Variants in MRAP2 observed in about 807,000 individuals in gnomAD.
MRAP2 encodes the protein melanocortin-2 receptor accessory protein 2.
MRAP2 carries 20 observed loss-of-function variants against 17.4 expected under a neutral mutation model. The observed-to-expected ratio is 1.15, with a 90% CI of 0.81 to 1.67. The LOEUF (loss-of-function observed/expected upper bound fraction) is 1.67. MRAP2 is among the 40% of genes most tolerant of loss of function. The probability of loss-of-function intolerance (pLI) is 0.00; values close to 1 mark genes in which losing one functional copy is unlikely to be tolerated. For missense variants in MRAP2, 238 were observed against 240.0 expected (o/e 0.99, Z 0.05); for synonymous variants, 96 against 88.4 (o/e 1.09, Z -0.48).
At chr6:84,120,824 ATTAT>A in the MRAP2 span, among the ~76,000 whole-genome samples, 9 of 152,128 alleles carry the variant, frequency 5.9e-5, no homozygotes, top group Non-Finnish European at 1.3e-4. Flanking sequence ...AATAAAATAA[ATTAT>A]TTATAACTTA....
At chr6:84,099,258 T>C in the MRAP2 span, among the ~76,000 whole-genome samples, 1 of 151,838 alleles carries the variant, frequency 6.6e-6, no homozygotes, top group African/African-American at 2.4e-5. Context: ...TCCAGTGTAT[T>C]GCCTCTGCAA....
chr6:84,085,576 T>C (rs965659102), intron 3 of MRAP2, among the ~76,000 whole-genome samples: 5 of 152,130 alleles, frequency 3.3e-5, no homozygotes, highest in Admixed American at 2.0e-4. Context: ...TCTTGAAAGA[T>C]TTTCAGAAAC....
the MRAP2 span, among the ~76,000 whole-genome samples, chr6:84,140,913 C>T: frequency 6.6e-6 from 1 of 152,258 alleles, no homozygotes; most frequent in South Asian, 2.1e-4. Flanking sequence ...TTGTGGAAGA[C>T]AATTCTTCCA....
rs147612659 is a variant in MRAP2, at chr6:84,087,406, G to T, written c.228-1685G>T. On this transcript the variant is annotated intron_variant, in intron 3 of 3. Transcript: ENST00000257776. ...TGACTTTGAATAGAATAGGAGGCAG[G>T]TTTGCCCTAAGCAGCTCCCAGCTTG... 6.0e-3 allele frequency among the ~76,000 whole-genome samples: 908 copies of T among 152,290 alleles called. 5 individuals are homozygous for T. The highest frequency in any genetic ancestry group is 0.021 in the African/African-American group (870 of 41,562).
chr6:84,135,869 C>A, the MRAP2 span, among the ~76,000 whole-genome samples: 4 of 152,118 alleles, frequency 2.6e-5, no homozygotes, highest in South Asian at 4.1e-4. Flanking sequence ...CTCAAAAAAA[C>A]AACAAAAAAA....
the MRAP2 span, among the ~76,000 whole-genome samples, chr6:84,133,840 C>T: frequency 0.038 from 5,822 of 152,168 alleles, 198 homozygotes; most frequent in African/African-American, 0.095. Flanking sequence ...TGCCCTGCTT[C>T]GGCTCACACT....
intron 3 of MRAP2, among the ~76,000 whole-genome samples, chr6:84,084,782 A>T (rs1198023964): frequency 6.6e-6 from 1 of 152,054 alleles, no homozygotes; most frequent in African/African-American, 2.4e-5. Context: ...GTTTGTGTGC[A>T]CCAGGAAAAG....
the MRAP2 span, among the ~76,000 whole-genome samples, chr6:84,111,798 G>T: frequency 1.3e-5 from 2 of 152,168 alleles, no homozygotes; most frequent in Admixed American, 6.5e-5. Flanking sequence ...ACTTTATTGA[G>T]AGTTTTTAGC....
At chr6:84,088,372 C>T (rs1291113012) in intron 3 of MRAP2, among the ~76,000 whole-genome samples, 1 of 152,170 alleles carries the variant, frequency 6.6e-6, no homozygotes, top group African/African-American at 2.4e-5. Flanking sequence ...ATTTATTACC[C>T]TTGAACTGCT....
At chr6:84,063,292 T>C in intron 3 of MRAP2, 3 of 985,116 alleles carry the variant, frequency 3.0e-6, no homozygotes, top group Non-Finnish European at 2.4e-6. Context: ...AATTACAATG[T>C]ATTTTATTCA....
intron 1 of MRAP2, among the ~76,000 whole-genome samples, chr6:84,043,792 C>T (rs1346664608): frequency 6.6e-6 from 1 of 152,126 alleles, no homozygotes; most frequent in East Asian, 1.9e-4. Flanking sequence ...TTGACCTCTA[C>T]TAAATCTTTC....
intron 3 of MRAP2, among the ~76,000 whole-genome samples, chr6:84,066,189 C>G (rs559947409): frequency 6.6e-6 from 1 of 152,138 alleles, no homozygotes; most frequent in Admixed American, 6.5e-5. Context: ...GATGATTATT[C>G]TGAACAATGC....
intron 1 of MRAP2, among the ~76,000 whole-genome samples, chr6:84,037,618 C>T (rs767509917): frequency 1.3e-5 from 2 of 152,216 alleles, no homozygotes; most frequent in Non-Finnish European, 2.9e-5. Context: ...AGGTCCTGAG[C>T]TCTGCCCCAC....
At chr6:84,063,240 TAA>T in intron 3 of MRAP2, 2 of 985,402 alleles carry the variant, frequency 2.0e-6, no homozygotes, top group Non-Finnish European at 2.4e-6. Context: ...CCTACAGTCT[TAA>T]TGATGATGTG....
Position 84,089,400 on chromosome 6 carries a change from G to A in MRAP2, c.537G>A (p.Glu179=), listed in dbSNP as rs1450783194. ...FVNTDQNYFG[E]DDLLISEPPI... Reference sequence around the variant, plus strand: ...ACACAGACCAGAACTACTTTGGGGAGGATGATCTTCTGATTTCTGAACCAC... The same window carrying A: ...ACACAGACCAGAACTACTTTGGGGAAGATGATCTTCTGATTTCTGAACCAC... Residue 179 remains glutamate (E), a synonymous_variant, in exon 4 of 4, where the codon GAG becomes GAA. Coordinates refer to ENST00000257776, the MANE Select transcript of MRAP2 (RefSeq NM_138409.4). 1.2e-6 allele frequency: 2 copies of A among 1,614,158 alleles called. No individual in the cohort carries two copies. Among genetic ancestry groups the A allele is most frequent in the East Asian group, 2.2e-5 (1 of 44,880 alleles).
the MRAP2 span, among the ~76,000 whole-genome samples, chr6:84,146,162 C>G: frequency 6.6e-6 from 1 of 152,054 alleles, no homozygotes; most frequent in Non-Finnish European, 1.5e-5. Flanking sequence ...ATCTCTAATC[C>G]AAATCTCTTC....
At chr6:84,040,111 G>A (rs1160160073) in intron 1 of MRAP2, among the ~76,000 whole-genome samples, 1 of 152,172 alleles carries the variant, frequency 6.6e-6, no homozygotes, top group Admixed American at 6.5e-5. Context: ...CCACTGGGAG[G>A]TAATTGAATC....
chr6:84,057,919 A>G (rs762933424), intron 2 of MRAP2, among the ~76,000 whole-genome samples: 5 of 152,206 alleles, frequency 3.3e-5, no homozygotes, highest in African/African-American at 4.8e-5. Context: ...AGATTGAGCT[A>G]TAATATATCT....
At chr6:84,131,936 C>G in the MRAP2 span, among the ~76,000 whole-genome samples, 125 of 152,274 alleles carry the variant, frequency 8.2e-4, no homozygotes, top group Non-Finnish European at 1.3e-3. Context: ...CTTCCTAGCA[C>G]TGATGGTCTT....
Sources: allele counts gnomAD v4.1 joint callset (sites outside exome capture counted in the v4.1 genomes callset), GRCh38; gene constraint gnomAD v4.1.1; transcripts MANE v1.5; gene names NCBI Gene and HGNC (gene_info 2026-07-23, HGNC 2026-07-21).